Variants in SUPT5H observed in about 807,000 individuals in gnomAD.
SUPT5H encodes SPT5 homolog, DSIF elongation factor subunit.
In SUPT5H, 24 loss-of-function variants were observed where a neutral mutation model predicts 142.5. The observed-to-expected ratio is 0.17, with a 90% CI of 0.12 to 0.24. The LOEUF (loss-of-function observed/expected upper bound fraction) is 0.24. Among genes scored for constraint, SUPT5H ranks in the 10% least tolerant of loss-of-function variants. The pLI is 1.00. For synonymous variants in SUPT5H, 546 were observed against 553.0 expected (o/e 0.99, Z 0.18); for missense variants, 893 against 1,471.8 (o/e 0.61, Z 6.43).
chr19:39,446,917 A>G (rs2078961316), intron 2 of SUPT5H, among the ~76,000 whole-genome samples: 1 of 152,190 alleles, frequency 6.6e-6, no homozygotes, highest in Admixed American at 6.5e-5. Context: ...GCTGAAGCTG[A>G]GAATCGCTTG....
At position 39,470,856 on chromosome 19, in the gene SUPT5H, T is replaced by TG. The variant is rs2079309860; in HGVS notation, c.1677+334dup. Among the ~76,000 whole-genome samples, 1 of 152,152 alleles carries TG rather than the reference T, an allele frequency of 6.6e-6. No homozygotes were observed. The highest frequency in any genetic ancestry group is 1.5e-5 in the Non-Finnish European group (1 of 68,022). On this transcript the variant is annotated intron_variant, in intron 18 of 29. Transcript: ENST00000432763. This position sits in a 1 kb window ranked among gnomAD's most constrained non-coding sequence, Gnocchi z 5.8. ...CCTGCCTTTGCTCCTTCCTCATGGA[T>TG]GTGGGAGTCATGGAGCACAGTACTT...
chr19:39,448,821 T>C (rs113910711), intron 2 of SUPT5H, among the ~76,000 whole-genome samples: 20 of 152,082 alleles, frequency 1.3e-4, no homozygotes, highest in African/African-American at 4.6e-4. Context: ...TCTGGCTGGG[T>C]GTGGTGGCTC....
chr19:39,457,656 C>T lies in SUPT5H; in HGVS notation c.242-19C>T, dbSNP rs760553193. 6.2e-7 allele frequency: 1 copy of T among 1,612,194 alleles called. No homozygotes were observed. Among genetic ancestry groups the T allele is most frequent in the Non-Finnish European group, 8.5e-7 (1 of 1,178,610 alleles). On this transcript the variant is annotated intron_variant, in intron 3 of 29. Coordinates refer to ENST00000432763, the MANE Select transcript of SUPT5H (RefSeq NM_001111020.3). ...ATGAGGTCACCTTTGCCACTTACCA[C>T]TTGGCCTTTCCGTTTTAGATGTTGA... is the stretch of plus-strand genomic sequence containing the variant.
chr19:39,458,246 A>AC lies in SUPT5H; in HGVS notation c.308-46dup. The AC allele has an allele frequency of 1.3e-6, 1 of 776,848 alleles. No homozygotes were observed. The highest frequency in any genetic ancestry group is 2.0e-6 in the Non-Finnish European group (1 of 494,698). The allele number at this position is 776,848 out of a possible 1,614,324, so 48.1% of individuals were successfully genotyped here. A position where few individuals can be genotyped will look rare whatever the true frequency, so the allele number is the denominator to read the frequency against. ...TCTGCCCTCGCCCACCACCACCACCACCACCACCACCACCACCACCACCAC... is the reference window on the plus strand; with the variant it reads ...TCTGCCCTCGCCCACCACCACCACCACCCACCACCACCACCACCACCACCAC... On this transcript the variant is annotated intron_variant, in intron 4 of 29. Transcript: ENST00000432763. The surrounding 1 kb of genome is among the most constrained non-coding windows in gnomAD (Gnocchi z 4.2).
chr19:39,456,142 C>A (rs2079086100), intron 3 of SUPT5H, among the ~76,000 whole-genome samples: 1 of 151,816 alleles, frequency 6.6e-6, no homozygotes, highest in Non-Finnish European at 1.5e-5. Context: ...GTCTCGAACT[C>A]CTGACCTCAG....
chr19:39,457,160 C>A (rs1331750528), intron 3 of SUPT5H, among the ~76,000 whole-genome samples: 4 of 152,232 alleles, frequency 2.6e-5, no homozygotes, highest in African/African-American at 9.6e-5. Flanking sequence ...CTTAATCTCT[C>A]TGGGTCTCAG....
chr19:39,453,334 C>T (rs2079043867), intron 2 of SUPT5H, 22 bp from the exon 3 acceptor site: 3 of 1,569,412 alleles, frequency 1.9e-6, no homozygotes, highest in Non-Finnish European at 2.6e-6. Flanking sequence ...TCTGGTGCTA[C>T]AACCCTGCCT....
rs2079334936 is a variant in SUPT5H at position 39,472,490 on chromosome 19, G to A, written c.2032G>A (p.Gly678Arg). Residue 678 changes from glycine to arginine, a missense_variant, in exon 21 of 30, where the codon GGA becomes AGA. Gly to Arg is a moderately radical substitution (Grantham distance 125, BLOSUM62 -2). Coordinates refer to ENST00000432763, the MANE Select transcript of SUPT5H (RefSeq NM_001111020.3). The surrounding 1 kb of genome is among the most constrained non-coding windows in gnomAD (Gnocchi z 4.2). ...RISSPMHPSA[G>R]GQRGGFGSPG... ...CAGCAGCCCCATGCACCCCAGTGCT[G>A]GAGGTGAGAGGGGTTCAGGGTCAGG... 6.2e-7 allele frequency: 1 copy of A among 1,613,906 alleles called. No individual in the cohort carries two copies. Among genetic ancestry groups the A allele is most frequent in the Non-Finnish European group, 8.5e-7 (1 of 1,179,906 alleles).
chr19:39,474,792 C>G lies in SUPT5H; in HGVS notation c.3024+74C>G. The G allele has an allele frequency of 6.7e-7, 1 of 1,488,572 alleles. No homozygotes were observed. Among genetic ancestry groups the G allele is most frequent in the Non-Finnish European group, 9.1e-7 (1 of 1,096,888 alleles). 92.2% of individuals were successfully genotyped at this position (1,488,572 alleles called of 1,614,324 possible). A position where few individuals can be genotyped will look rare whatever the true frequency, so the allele number is the denominator to read the frequency against. On this transcript the variant is annotated intron_variant, in intron 28 of 29. Coordinates refer to ENST00000432763, the MANE Select transcript of SUPT5H (RefSeq NM_001111020.3). The surrounding 1 kb of genome is among the most constrained non-coding windows in gnomAD (Gnocchi z 6.5). ...CCCCCTAAACTGGAGACAGACCTGT[C>G]CCCAGATGGTGACAGCCCAGAGTGG...
At chr19:39,449,422 G>C (rs112922364) in intron 2 of SUPT5H, among the ~76,000 whole-genome samples, 12,899 of 152,208 alleles carry the variant, frequency 0.085, 1,479 homozygotes, top group African/African-American at 0.26. Flanking sequence ...GTCGAGATTT[G>C]TGTTAAGCAA....
In SUPT5H at chr19:39,457,733, A is replaced by G. The variant is rs746508398; in HGVS notation, c.300A>G (p.Leu100=). The change falls in exon 4 of 30, where the codon CTA becomes CTG. Residue 100 remains leucine (L), a synonymous_variant. Coordinates refer to ENST00000432763, the MANE Select transcript of SUPT5H (RefSeq NM_001111020.3). ...GGGAGGATGGAGCAGAGGACATTCT[A>G]GAGAAAGGTGTGTGTGAGCCCTGCC... The part of the protein sequence containing the change: ...DQWEDGAEDI[L]EKEEIEASNI... 8 of 1,614,124 alleles carry G rather than the reference A, an allele frequency of 5.0e-6. No individual in the cohort carries two copies. The Admixed American group carries it at 1.0e-4, about 20-fold the overall frequency.
At chr19:39,463,985 C>CTTTTTTTTTT (rs56190970) in intron 10 of SUPT5H, among the ~76,000 whole-genome samples, 1 of 136,028 alleles carries the variant, frequency 7.4e-6, no homozygotes, top group Non-Finnish European at 1.6e-5. Context: ...CTTCTAGTTG[C>CTTTTTTTTTT]TTTTTTTTTT....
Position 39,458,918 on chromosome 19 carries a change from G to T in SUPT5H, c.389+31G>T, listed in dbSNP as rs1466164188. On this transcript the variant is annotated intron_variant, in intron 6 of 29. Transcript: ENST00000432763. This position sits in a 1 kb window ranked among gnomAD's most constrained non-coding sequence, Gnocchi z 4.2. ...CAAGGAAGGGAAACGTGGTGGGATT[G>T]GCTCCTGTGGGGAGATTTGGGAGTA... 6.2e-7 allele frequency: 1 copy of T among 1,613,870 alleles called. No homozygotes were observed.
At position 39,474,814 on chromosome 19, in the gene SUPT5H, G is replaced by A. The variant is rs2079379839; in HGVS notation, c.3024+96G>A. On this transcript the variant is annotated intron_variant, in intron 28 of 29. Transcript: ENST00000432763. The surrounding 1 kb of genome is among the most constrained non-coding windows in gnomAD (Gnocchi z 6.5). ...TGTCCCCAGATGGTGACAGCCCAGA[G>A]TGGGCAGAGCTGGGATTGAGGAAGC... The A allele has an allele frequency of 1.4e-6, 2 of 1,381,888 alleles. No individual in the cohort carries two copies. The highest frequency in any genetic ancestry group is 2.0e-6 in the Non-Finnish European group (2 of 1,006,684). 85.6% of individuals were successfully genotyped at this position (1,381,888 alleles called of 1,614,324 possible).
chr19:39,454,824 G>C (rs573467612), intron 3 of SUPT5H, among the ~76,000 whole-genome samples: 1 of 152,170 alleles, frequency 6.6e-6, no homozygotes, highest in African/African-American at 2.4e-5. Flanking sequence ...GAGAAGAAAA[G>C]TAGTTTATTG....
intron 4 of SUPT5H, 121 bp downstream of exon 4, chr19:39,457,861 G>A (rs773468582): frequency 6.7e-7 from 1 of 1,501,930 alleles, no homozygotes; most frequent in South Asian, 1.2e-5. Context: ...TCCTCACCTT[G>A]CTTCTTTCTG....
Position 39,458,566 on chromosome 19 carries a change from G to T in SUPT5H, c.320-252G>T. ...TGTGTGGGGTGGGGTGCAGTCCAGGGTGTGCCTGGACTTTGAGATGGGAAC... is the reference window on the plus strand; with the variant it reads ...TGTGTGGGGTGGGGTGCAGTCCAGGTTGTGCCTGGACTTTGAGATGGGAAC... On this transcript the variant is annotated intron_variant, in intron 5 of 29. Transcript: ENST00000432763. The surrounding 1 kb of genome is among the most constrained non-coding windows in gnomAD (Gnocchi z 4.2). 2 of 741,090 alleles carry T rather than the reference G, an allele frequency of 2.7e-6. No homozygotes were observed. Among genetic ancestry groups the T allele is most frequent in the Non-Finnish European group, 4.4e-6 (2 of 458,100 alleles). 45.9% of individuals were successfully genotyped at this position (741,090 alleles called of 1,614,324 possible).
chr19:39,459,129 AG>A, intron 7 of SUPT5H, 54 bp from the exon 8 acceptor site: 1 of 1,610,472 alleles, frequency 6.2e-7, no homozygotes, highest in Non-Finnish European at 8.5e-7. Flanking sequence ...CTAAGCGGGA[AG>A]GGGCGGGGAT....
Position 39,473,214 on chromosome 19 carries a change from G to A in SUPT5H, c.2270G>A (p.Arg757His), listed in dbSNP as rs749675703. Reference protein sequence around the residue: ...RQRLTTVGSRRPGGMTSTYGR... With the variant: ...RQRLTTVGSRHPGGMTSTYGR... Reference sequence around the variant, plus strand: ...CTCTGCGTCCCCAGGGGCTCACGGCGCCCGGGCGGCATGACCTCGACCTAT... The same window carrying A: ...CTCTGCGTCCCCAGGGGCTCACGGCACCCGGGCGGCATGACCTCGACCTAT... The change falls in exon 24 of 30, where the codon CGC becomes CAC. Residue 757 changes from arginine (R) to histidine (H), a missense_variant. By Grantham distance (29) the Arg-to-His change is conservative. Transcript: ENST00000432763. The surrounding 1 kb of genome is among the most constrained non-coding windows in gnomAD (Gnocchi z 5.8). 6.2e-6 allele frequency: 10 copies of A among 1,612,478 alleles called. No individual in the cohort carries two copies. The highest frequency in any genetic ancestry group is 8.5e-6 in the Non-Finnish European group (10 of 1,179,922).
Sources: allele counts gnomAD v4.1 joint callset (sites outside exome capture counted in the v4.1 genomes callset), GRCh38; gene constraint gnomAD v4.1.1; non-coding constraint Gnocchi (gnomAD v3.1); transcripts MANE v1.5; gene names NCBI Gene and HGNC (gene_info 2026-07-23, HGNC 2026-07-21).